The following SPAG16 variants were observed in gnomAD, a reference collection of about 807,000 sequenced individuals.
SPAG16 encodes the protein sperm associated antigen 16.
SPAG16 carries 86 observed loss-of-function variants against 80.4 expected under a neutral mutation model. That is an observed-to-expected ratio of 1.07 (90% CI 0.90 to 1.28). The LOEUF is 1.28. Ranked by LOEUF, SPAG16 falls within the 50% of genes most tolerant of loss-of-function variation. The pLI, the probability that SPAG16 is intolerant of heterozygous loss-of-function variation, is 0.00. For missense variants in SPAG16, 870 were observed against 765.3 expected (o/e 1.14, Z -1.61); for synonymous variants, 294 against 265.9 (o/e 1.11, Z -1.03).
At chr2:214,353,779 G>A (rs568818146) in intron 15 of SPAG16, among the ~76,000 whole-genome samples, 7 of 152,140 alleles carry the variant, frequency 4.6e-5, no homozygotes, top group South Asian at 2.1e-4. Flanking sequence ...AGTGTAACCC[G>A]TAATTGCAAT....
At chr2:213,880,238 G>A (rs1370812086) in intron 11 of SPAG16, among the ~76,000 whole-genome samples, 1 of 152,084 alleles carries the variant, frequency 6.6e-6, no homozygotes, top group South Asian at 2.1e-4. Context: ...GTGATGATGA[G>A]CATTTTTTCA....
chr2:213,804,812 C>T (rs1192669532), intron 10 of SPAG16, among the ~76,000 whole-genome samples: 3 of 152,136 alleles, frequency 2.0e-5, no homozygotes, highest in Non-Finnish European at 4.4e-5. Context: ...ACGGATGTGC[C>T]TGAAAGGAGA....
intron 15 of SPAG16, among the ~76,000 whole-genome samples, chr2:214,255,859 C>T (rs1048261936): frequency 5.3e-5 from 8 of 151,764 alleles, no homozygotes; most frequent in Admixed American, 1.3e-4. Flanking sequence ...TTACGAATTA[C>T]GCTATTAATG....
intron 12 of SPAG16, among the ~76,000 whole-genome samples, chr2:213,970,632 A>G (rs945521691): frequency 6.6e-6 from 1 of 152,200 alleles, no homozygotes; most frequent in African/African-American, 2.4e-5. Flanking sequence ...ACAGCACACT[A>G]TTGGTGAACA....
At chr2:213,391,336 A>G (rs1256106651) in intron 9 of SPAG16, among the ~76,000 whole-genome samples, 1 of 152,212 alleles carries the variant, frequency 6.6e-6, no homozygotes, top group Non-Finnish European at 1.5e-5. Flanking sequence ...CTTATAACTT[A>G]TCCTTGTGTA....
intron 9 of SPAG16, among the ~76,000 whole-genome samples, chr2:213,407,441 G>A (rs1487383438): frequency 1.3e-5 from 2 of 152,054 alleles, no homozygotes; most frequent in Non-Finnish European, 2.9e-5. Context: ...GGACAGGCAA[G>A]GTGAGACATC....
At chr2:213,625,005 G>A (rs1186201448) in intron 10 of SPAG16, among the ~76,000 whole-genome samples, 1 of 152,028 alleles carries the variant, frequency 6.6e-6, no homozygotes. Flanking sequence ...TGGCCAGTCT[G>A]GTCTCAAACT....
rs10585217 is a variant in SPAG16, at chr2:213,361,789, CCACACA to C, written c.763-2252_763-2247del. ...GATTTGGATATTCAGACTGATAATGCCACACACACACACACACACACACACACACAC... is the reference window on the plus strand; with the variant it reads ...GATTTGGATATTCAGACTGATAATGCCACACACACACACACACACACACAC... On this transcript the variant is annotated intron_variant, in intron 7 of 15. Coordinates refer to ENST00000331683, the MANE Select transcript of SPAG16 (RefSeq NM_024532.5). Among the ~76,000 whole-genome samples the C allele has an allele frequency of 8.0e-3, 1,119 of 139,870 alleles. 12 individuals are homozygous for C. The highest frequency in any genetic ancestry group is 0.035 in the South Asian group (149 of 4,310). 91.8% of individuals were successfully genotyped at this position (139,870 alleles called of 152,430 possible).
At chr2:213,399,211 T>C (rs998031809) in intron 9 of SPAG16, among the ~76,000 whole-genome samples, 2 of 152,100 alleles carry the variant, frequency 1.3e-5, no homozygotes, top group Admixed American at 1.3e-4. Context: ...ATTTTAAAGG[T>C]GATGCATCTG....
intron 10 of SPAG16, among the ~76,000 whole-genome samples, chr2:213,590,148 G>A (rs1314669864): frequency 6.6e-6 from 1 of 151,972 alleles, no homozygotes; most frequent in African/African-American, 2.4e-5. Context: ...CTAGAAAATG[G>A]CCAAATTCCT....
At chr2:213,414,328 A>G (rs1024477822) in intron 9 of SPAG16, among the ~76,000 whole-genome samples, 1 of 152,178 alleles carries the variant, frequency 6.6e-6, no homozygotes, top group Non-Finnish European at 1.5e-5. Context: ...TTATTTAAGC[A>G]TGTTAATCTG....
chr2:214,208,326 G>A (rs544748373), intron 15 of SPAG16, among the ~76,000 whole-genome samples: 26 of 152,190 alleles, frequency 1.7e-4, no homozygotes, highest in African/African-American at 6.3e-4. Flanking sequence ...TTTAAGGATG[G>A]ATTTCTTTAG....
chr2:213,541,196 A>C (rs2076435178), intron 10 of SPAG16, among the ~76,000 whole-genome samples: 1 of 152,220 alleles, frequency 6.6e-6, no homozygotes, highest in Admixed American at 6.5e-5. Context: ...TAGTGAGAGC[A>C]GTAGGCTGTT....
chr2:214,014,206 G>T lies in SPAG16; in HGVS notation c.1527+129G>T, dbSNP rs1389986218. 6 of 1,175,954 alleles carry T rather than the reference G, an allele frequency of 5.1e-6. No individual in the cohort carries two copies. In the South Asian group the frequency reaches 1.0e-4, roughly 20 times the overall value. The allele number at this position is 1,175,954 out of a possible 1,614,324, so 72.8% of individuals were successfully genotyped here. ...ATTCAGGGCAAAAGAACAGTAAAAAGTTCATAATTACAAGATCCTTTCTAT... is the reference window on the plus strand; with the variant it reads ...ATTCAGGGCAAAAGAACAGTAAAAATTTCATAATTACAAGATCCTTTCTAT... On this transcript the variant is annotated intron_variant, in intron 13 of 15. Transcript: ENST00000331683.
At chr2:213,977,397 G>T (rs556934747) in intron 12 of SPAG16, among the ~76,000 whole-genome samples, 227 of 152,034 alleles carry the variant, frequency 1.5e-3, no homozygotes, top group African/African-American at 5.4e-3. Context: ...GCTCCTTGAG[G>T]ATATTTCCTC....
At chr2:214,312,492 T>C (rs1032085319) in intron 15 of SPAG16, among the ~76,000 whole-genome samples, 9 of 152,198 alleles carry the variant, frequency 5.9e-5, no homozygotes, top group Non-Finnish European at 1.5e-5. Context: ...GAGCTGTGTG[T>C]ATAGGGTTCT....
At chr2:214,354,098 CCCCATAAATATATATACCTA>C in intron 15 of SPAG16, among the ~76,000 whole-genome samples, 1 of 118,974 alleles carries the variant, frequency 8.4e-6, no homozygotes, top group East Asian at 2.3e-4. Flanking sequence ...TATATATGTA[CCCCATAAATATATATACCTA>C]CTATGTACCC....
chr2:214,408,532 G>A (rs1702121945), intron 15 of SPAG16, among the ~76,000 whole-genome samples: 1 of 152,132 alleles, frequency 6.6e-6, no homozygotes, highest in South Asian at 2.1e-4. Context: ...TTTGCAAATA[G>A]GTTGTATTTA....
intron 14 of SPAG16, among the ~76,000 whole-genome samples, chr2:214,108,483 C>CA (rs139529621): frequency 0.026 from 3,275 of 127,216 alleles, 84 homozygotes; most frequent in South Asian, 0.12. Flanking sequence ...ACACACACCC[C>CA]CACACACACC....
Sources: allele counts gnomAD v4.1 joint callset (sites outside exome capture counted in the v4.1 genomes callset), GRCh38; gene constraint gnomAD v4.1.1; transcripts MANE v1.5; gene names NCBI Gene and HGNC (gene_info 2026-07-23, HGNC 2026-07-21).